NSMAF: variants seen among roughly 807,000 people sequenced by gnomAD.
The protein encoded by NSMAF is protein FAN.
In NSMAF, 90 loss-of-function variants were observed where a neutral mutation model predicts 134.9. The ratio of observed to expected loss-of-function variants is 0.67; its 90% CI spans 0.56 to 0.79. NSMAF has a LOEUF of 0.79. Ranked by LOEUF, NSMAF falls within the 30% of genes least tolerant of loss-of-function variation. The probability of loss-of-function intolerance (pLI) is 0.00; values close to 1 mark genes in which losing one functional copy is unlikely to be tolerated. For synonymous variants in NSMAF, 358 were observed against 389.6 expected (o/e 0.92, Z 0.96); for missense variants, 1,010 against 1,119.0 (o/e 0.90, Z 1.39).
intron 2 of NSMAF, among the ~76,000 whole-genome samples, chr8:58,636,653 A>C (rs888975125): frequency 2.0e-5 from 3 of 152,230 alleles, no homozygotes; most frequent in Admixed American, 6.5e-5. Context: ...AGTCACAACC[A>C]TTCAACTTTG....
chr8:58,627,884 A>G (rs184457785), intron 6 of NSMAF, among the ~76,000 whole-genome samples: 62 of 152,278 alleles, frequency 4.1e-4, no homozygotes, highest in African/African-American at 1.4e-3. Flanking sequence ...ATCAGAAACA[A>G]TCCTAAAATC....
At position 58,623,239 on chromosome 8, in the gene NSMAF, T is replaced by C. The variant is rs1038161985; in HGVS notation, c.538A>G (p.Thr180Ala). 3.1e-6 allele frequency: 5 copies of C among 1,609,972 alleles called. No homozygotes were observed. The highest frequency in any genetic ancestry group is 2.7e-5 in the African/African-American group (2 of 74,824). ...TAILQSRLARTSFDKNRFQNI... is the reference protein window; with the variant it reads ...TAILQSRLARASFDKNRFQNI... ...ACTTACCTGTTTTTGTCAAATGATG[T>C]TCTAGCTAAACGAGACTGCAAAATA... The change falls in exon 9 of 31, where the codon ACA (threonine) becomes GCA (alanine). Residue 180 changes from threonine to alanine, a missense_variant. By Grantham distance (58) the Thr-to-Ala change is moderately conservative (BLOSUM62 0). Transcript: ENST00000038176.
At chr8:58,626,304 C>A (rs1806930337) in intron 6 of NSMAF, among the ~76,000 whole-genome samples, 1 of 152,046 alleles carries the variant, frequency 6.6e-6, no homozygotes, top group South Asian at 2.1e-4. Flanking sequence ...CAGTGTTAAC[C>A]AGGATGGTCT....
At position 58,658,632 on chromosome 8, in the gene NSMAF, C is replaced by T. The variant is rs140016602; in HGVS notation, c.59+941G>A. Among the ~76,000 whole-genome samples the T allele has an allele frequency of 5.6e-3, 851 of 152,324 alleles. 6 individuals carry two copies. The highest frequency in any genetic ancestry group is 8.5e-3 in the Non-Finnish European group (579 of 68,018). ...AGCACTGGAAGATCTGTGGCTCTCACAATCAAAACAGTGTGTCTGTAAAAT... is the reference window on the plus strand; with the variant it reads ...AGCACTGGAAGATCTGTGGCTCTCATAATCAAAACAGTGTGTCTGTAAAAT... On this transcript the variant is annotated intron_variant, in intron 1 of 30. Transcript: ENST00000038176.
chr8:58,600,640 A>G (rs1169598128), intron 16 of NSMAF, among the ~76,000 whole-genome samples: 2 of 148,808 alleles, frequency 1.3e-5, no homozygotes, highest in Admixed American at 1.3e-4. Context: ...AAAAAAAAAA[A>G]AAAAAAGATT....
intron 2 of NSMAF, among the ~76,000 whole-genome samples, chr8:58,641,413 T>G (rs983767007): frequency 1.3e-5 from 2 of 152,214 alleles, no homozygotes; most frequent in Non-Finnish European, 2.9e-5. Context: ...CCTTCCCCTC[T>G]TCTGTGTAGA....
Position 58,601,521 on chromosome 8 carries a change from T to G in NSMAF, c.1140A>C (p.Glu380Asp), listed in dbSNP as rs766408142. Residue 380 changes from glutamate (E) to aspartate (D), a missense_variant, in exon 15 of 31, where the codon GAA becomes GAC. By Grantham distance (45) the Glu-to-Asp change is conservative. Transcript: ENST00000038176. ...RLERLLTRYQ[E>D]MPEPKFMYGS... Reference sequence around the variant, plus strand: ...CATACATGAACTTTGGTTCAGGCATTTCCTGGTAGCGTGTCTAGAATACAG... The same window carrying G: ...CATACATGAACTTTGGTTCAGGCATGTCCTGGTAGCGTGTCTAGAATACAG... 7.5e-6 allele frequency: 12 copies of G among 1,607,872 alleles called. No homozygotes were observed. The highest frequency in any genetic ancestry group is 1.0e-5 in the Non-Finnish European group (12 of 1,178,402).
At chr8:58,653,546 A>G (rs550695776) in intron 1 of NSMAF, among the ~76,000 whole-genome samples, 1 of 152,218 alleles carries the variant, frequency 6.6e-6, no homozygotes, top group Non-Finnish European at 1.5e-5. Context: ...TATTAATATC[A>G]GACAAAATAG....
At chr8:58,628,988 A>G (rs1481437995) in intron 6 of NSMAF, among the ~76,000 whole-genome samples, 2 of 152,062 alleles carry the variant, frequency 1.3e-5, no homozygotes, top group Non-Finnish European at 2.9e-5. Context: ...CTTACTTCTG[A>G]TAATCTGATT....
At chr8:58,618,025 G>A (rs1024066854) in intron 9 of NSMAF, among the ~76,000 whole-genome samples, 8 of 152,108 alleles carry the variant, frequency 5.3e-5, no homozygotes, top group Non-Finnish European at 1.0e-4. Context: ...CATGGACGAA[G>A]CTGGAAACCA....
At chr8:58,659,471 C>G (rs965184911) in intron 1 of NSMAF, 102 bp downstream of exon 1, 76 of 1,491,502 alleles carry the variant, frequency 5.1e-5, no homozygotes, top group Non-Finnish European at 6.3e-5. Context: ...CCTCCGTGCC[C>G]GGCCCCCACG....
intron 12 of NSMAF, 98 bp from the exon 13 acceptor site, chr8:58,603,484 G>T: frequency 9.1e-7 from 1 of 1,104,056 alleles, no homozygotes; most frequent in Non-Finnish European, 1.3e-6. Flanking sequence ...GTGCATTCTT[G>T]AAAAATGCAT....
chr8:58,594,390 T>C, intron 22 of NSMAF, 100 bp from the exon 23 acceptor site: 1 of 1,129,194 alleles, frequency 8.9e-7, no homozygotes, highest in Non-Finnish European at 1.3e-6. Flanking sequence ...TTCCTTAATT[T>C]TTTTCTTCAC....
Position 58,651,757 on chromosome 8 carries a change from C to T in NSMAF, c.59+7816G>A, listed in dbSNP as rs77029767. ...TGAATGCTGAATTACTGTTATCTAG[C>T]GCAGCGCTTCACAAAGGTTAGTGTG... On this transcript the variant is annotated intron_variant, in intron 1 of 30. Transcript: ENST00000038176. Among the ~76,000 whole-genome samples the T allele has an allele frequency of 4.6e-5, 7 of 152,306 alleles. No individual in the cohort carries two copies. In the South Asian group the frequency reaches 6.2e-4, roughly 14 times the overall value.
intron 5 of NSMAF, among the ~76,000 whole-genome samples, chr8:58,632,919 G>A (rs1288282100): frequency 6.6e-6 from 1 of 151,994 alleles, no homozygotes; most frequent in African/African-American, 2.4e-5. Context: ...TATACCCTGC[G>A]ACCAATCCGT....
At chr8:58,597,708 A>G in intron 20 of NSMAF, 152 bp downstream of exon 20, 1 of 895,114 alleles carries the variant, frequency 1.1e-6, no homozygotes, top group Middle Eastern at 2.4e-4. Context: ...GACCTTCAGA[A>G]TATTTTCTGA....
At chr8:58,637,404 G>A (rs905917923) in intron 2 of NSMAF, 10 of 456,182 alleles carry the variant, frequency 2.2e-5, no homozygotes, top group East Asian at 7.0e-5. Context: ...TCAAAAGATA[G>A]AGGTAAGAAA....
intron 1 of NSMAF, among the ~76,000 whole-genome samples, chr8:58,657,860 T>G (rs1280762148): frequency 1.3e-5 from 2 of 152,230 alleles, no homozygotes; most frequent in African/African-American, 4.8e-5. Flanking sequence ...TAGAGTTCTC[T>G]CTGAACACTG....
chr8:58,621,198 T>C lies in NSMAF; in HGVS notation c.557+2022A>G, dbSNP rs555819054. Among the ~76,000 whole-genome samples, 16 of 152,254 alleles carry C rather than the reference T, an allele frequency of 1.1e-4. 1 individual carries two copies. Among genetic ancestry groups the C allele is most frequent in the Admixed American group, 6.5e-4 (10 of 15,298 alleles). ...CCTACTTATAAGTGAGAACATGCAG[T>C]GTTAGTTTTCTATTCCCACATTAAT... On this transcript the variant is annotated intron_variant, in intron 9 of 30. Coordinates refer to ENST00000038176, the MANE Select transcript of NSMAF (RefSeq NM_003580.4).
Sources: gnomAD v4.1 joint callset for allele counts (sites outside exome capture counted in the v4.1 genomes callset) on GRCh38, gnomAD v4.1.1 for gene constraint, MANE v1.5 for transcripts, NCBI Gene and HGNC (gene_info 2026-07-23, HGNC 2026-07-21) for gene names.